Variants in MTMR1 observed in about 807,000 individuals in gnomAD.
MTMR1 encodes myotubularin related protein 1.
In MTMR1, 17 loss-of-function variants were observed where a neutral mutation model predicts 51.6. The ratio of observed to expected loss-of-function variants is 0.33; its 90% CI spans 0.23 to 0.49. The LOEUF (loss-of-function observed/expected upper bound fraction) is 0.49, where lower values mean the gene tolerates loss of function less well. Among genes scored for constraint, MTMR1 ranks in the 20% least tolerant of loss-of-function variants. MTMR1 has a pLI of 0.99. For synonymous variants in MTMR1, 201 were observed against 205.6 expected, an observed-to-expected ratio of 0.98 and a Z score of 0.19; for missense variants, 386 against 526.9, an observed-to-expected ratio of 0.73 and a Z score of 2.62.
chrX:150,723,666 T>G (rs1557416660), intron 4 of MTMR1, among the ~76,000 whole-genome samples: 1 of 111,707 alleles, frequency 9.0e-6, no homozygotes, highest in Non-Finnish European at 1.9e-5. Context: ...TACAGATTAT[T>G]TTATTACCCA....
At chrX:150,756,817 A>G (rs967033581) in intron 15 of MTMR1, among the ~76,000 whole-genome samples, 2 of 110,338 alleles carry the variant, frequency 1.8e-5, no homozygotes, top group African/African-American at 3.3e-5. Flanking sequence ...TGCCTGGCTA[A>G]TTTTTGTATT....
intron 2 of MTMR1, among the ~76,000 whole-genome samples, chrX:150,706,539 A>G (rs1384645992): frequency 1.8e-5 from 2 of 112,311 alleles, no homozygotes; most frequent in Admixed American, 9.4e-5. Context: ...CAACCATAGC[A>G]AGTATAAATC....
intron 3 of MTMR1, among the ~76,000 whole-genome samples, chrX:150,715,565 CT>C (rs2041480049): frequency 8.9e-6 from 1 of 112,396 alleles, no homozygotes; most frequent in Non-Finnish European, 1.9e-5. Context: ...GCAGTAAAAG[CT>C]TAATGTAGCA....
chrX:150,758,564 T>G (rs1022981007), intron 15 of MTMR1, among the ~76,000 whole-genome samples: 2 of 111,520 alleles, frequency 1.8e-5, no homozygotes, highest in African/African-American at 6.5e-5. Flanking sequence ...GAGGCCGAGG[T>G]GGGCAGATCA....
In MTMR1 at chrX:150,699,353, G is replaced by A. The variant is rs113934272; in HGVS notation, c.252+53G>A. The A allele has an allele frequency of 3.6e-3, 3,299 of 908,094 alleles. 55 individuals are homozygous for A. The African/African-American group carries it at 0.058, about 16-fold the overall frequency. 74.8% of individuals were successfully genotyped at this position (908,094 alleles called of 1,213,427 possible). A position where few individuals can be genotyped will look rare whatever the true frequency, so the allele number is the denominator to read the frequency against. On this transcript the variant is annotated intron_variant, in intron 2 of 15. Transcript: ENST00000445323. ...TTTCAGTATGCTAAGTAGCCAAGAA[G>A]CTTTGCAGTTTTAATTCAAGTGAGC... is the stretch of plus-strand genomic sequence containing the variant.
intron 10 of MTMR1, among the ~76,000 whole-genome samples, chrX:150,734,407 G>A (rs1376037193): frequency 8.9e-6 from 1 of 112,726 alleles, no homozygotes; most frequent in Admixed American, 9.4e-5. Flanking sequence ...TGTCTTTGGC[G>A]GGGCCACTTT....
In MTMR1 at chrX:150,764,186, C is replaced by T. The variant is rs1292988148; in HGVS notation, c.*1457C>T. 2.7e-5 allele frequency: 3 copies of T among 112,780 alleles called. No individual in the cohort carries two copies. The highest frequency in any genetic ancestry group is 5.6e-5 in the Non-Finnish European group (3 of 53,383). The allele number at this position is 112,780 out of a possible 1,213,427, so 9.3% of individuals were successfully genotyped here. A position where few individuals can be genotyped will look rare whatever the true frequency, so the allele number is the denominator to read the frequency against. Reference sequence around the variant, plus strand: ...CTACTGGATTCCAGGCAAAGGCCTACAGATTGACCTTATTATTTTTGAAAA... The same window carrying T: ...CTACTGGATTCCAGGCAAAGGCCTATAGATTGACCTTATTATTTTTGAAAA... On this transcript the variant is annotated 3_prime_UTR_variant, in exon 16 of 16. Coordinates refer to ENST00000445323, the MANE Select transcript of MTMR1 (RefSeq NM_001306144.3).
At chrX:150,759,662 C>T (rs1557417900) in intron 15 of MTMR1, among the ~76,000 whole-genome samples, 1 of 109,614 alleles carries the variant, frequency 9.1e-6, no homozygotes, top group African/African-American at 3.3e-5. Flanking sequence ...TTTCCTAAAA[C>T]CTACAAACTG....
rs1414189690 is a variant in MTMR1 at position 150,741,262 on chromosome X, C to T, written c.1474-3099C>T. Reference sequence around the variant, plus strand: ...ATCTGGCCCTAGCTACATCTCCAGCCTCACCTCTCATCTTCTTTCCCTTGC... The same window carrying T: ...ATCTGGCCCTAGCTACATCTCCAGCTTCACCTCTCATCTTCTTTCCCTTGC... On this transcript the variant is annotated intron_variant, in intron 12 of 15. Coordinates refer to ENST00000445323, the MANE Select transcript of MTMR1 (RefSeq NM_001306144.3). 3.6e-5 allele frequency among the ~76,000 whole-genome samples: 4 copies of T among 111,672 alleles called. No homozygotes were observed. The East Asian group carries it at 1.1e-3, about 32-fold the overall frequency.
At chrX:150,746,992 CA>C (rs1557417472) in intron 13 of MTMR1, among the ~76,000 whole-genome samples, 1 of 111,601 alleles carries the variant, frequency 9.0e-6, no homozygotes, top group African/African-American at 3.3e-5. Context: ...TCAGAAATAT[CA>C]GAATAAAATG....
intron 4 of MTMR1, among the ~76,000 whole-genome samples, chrX:150,720,710 T>C (rs1301733884): frequency 1.8e-5 from 2 of 112,372 alleles, no homozygotes; most frequent in Non-Finnish European, 3.8e-5. Flanking sequence ...ATGTGTTTTC[T>C]AAGTGGTCGT....
At chrX:150,735,789 A>T (rs1379611289) in intron 10 of MTMR1, 1 of 259,563 alleles carries the variant, frequency 3.9e-6, no homozygotes, top group African/African-American at 2.8e-5. Flanking sequence ...AACACTTAAA[A>T]TCTACTCTCA....
intron 2 of MTMR1, among the ~76,000 whole-genome samples, chrX:150,707,657 A>T (rs954337884): frequency 3.6e-5 from 4 of 112,579 alleles, no homozygotes; most frequent in Non-Finnish European, 5.6e-5. Flanking sequence ...CTGGAAACAC[A>T]GTCTGGCAGT....
In MTMR1 at chrX:150,763,877, C is replaced by T. The variant is rs1209842315; in HGVS notation, c.*1148C>T. On this transcript the variant is annotated 3_prime_UTR_variant, in exon 16 of 16. Transcript: ENST00000445323. The stretch of plus-strand genomic sequence containing the variant: ...TTACTGACTTTGAGCTCTGTGACTC[C>T]GTCGGTTCTCGCAGGAATTAACTAA... 3 of 112,286 alleles carry T rather than the reference C, an allele frequency of 2.7e-5. No individual in the cohort carries two copies. Among genetic ancestry groups the T allele is most frequent in the African/African-American group, 9.7e-5 (3 of 30,882 alleles). The allele number at this position is 112,286 out of a possible 1,213,427, so 9.3% of individuals were successfully genotyped here.
At chrX:150,728,086 T>C (rs1184335087) in intron 6 of MTMR1, among the ~76,000 whole-genome samples, 2 of 112,029 alleles carry the variant, frequency 1.8e-5, no homozygotes, top group African/African-American at 6.5e-5. Context: ...TTATGTCAAA[T>C]GATGTAGTAT....
chrX:150,693,659 C>A lies in MTMR1; in HGVS notation c.129C>A (p.Ser43Arg). 2 of 757,085 alleles carry A rather than the reference C, an allele frequency of 2.6e-6. No homozygotes were observed. Among genetic ancestry groups the A allele is most frequent in the Non-Finnish European group, 3.1e-6 (2 of 641,911 alleles). 62.4% of individuals were successfully genotyped at this position (757,085 alleles called of 1,213,427 possible). ...GGATAGSRQP[S>R]VETLDSPTGS... ...CCACCGCCGGCTCCCGGCAGCCCAG[C>A]GTGGAGACCCTGGACAGGTAAGCGG... Residue 43 changes from serine (S) to arginine (R), a missense_variant, in exon 1 of 16, where the codon AGC (serine) becomes AGA (arginine). By Grantham distance (110) the Ser-to-Arg change is moderately radical. Transcript: ENST00000445323.
intron 3 of MTMR1, among the ~76,000 whole-genome samples, chrX:150,715,142 C>G (rs927381495): frequency 3.6e-5 from 4 of 111,960 alleles, no homozygotes; most frequent in Admixed American, 9.5e-5. Context: ...TGTCCACCAT[C>G]ATCCAGCCCC....
At chrX:150,742,834 A>AAAAAAAAAAAAAAAG (rs1557417357) in intron 12 of MTMR1, among the ~76,000 whole-genome samples, 1 of 101,891 alleles carries the variant, frequency 9.8e-6, no homozygotes, top group African/African-American at 3.9e-5. Context: ...AAAAAAAAAA[A>AAAAAAAAAAAAAAAG]AAAGAAAGAA....
At chrX:150,730,638 T>A (rs1557416959) in intron 8 of MTMR1, 30 bp downstream of exon 8, 1 of 881,643 alleles carries the variant, frequency 1.1e-6, no homozygotes, top group Non-Finnish European at 1.6e-6. Flanking sequence ...AAACTGAAAA[T>A]AATAGGTTGA....
Sources: gnomAD v4.1 joint callset for allele counts (sites outside exome capture counted in the v4.1 genomes callset) on GRCh38, gnomAD v4.1.1 for gene constraint, MANE v1.5 for transcripts, NCBI Gene and HGNC (gene_info 2026-07-23, HGNC 2026-07-21) for gene names.